Variants in CNTN5 observed in about 807,000 individuals in gnomAD.
The protein encoded by CNTN5 is contactin-5.
A neutral mutation model predicts 129.1 loss-of-function variants in CNTN5; 77 were observed. The ratio of observed to expected loss-of-function variants is 0.60; its 90% CI spans 0.50 to 0.72. The LOEUF (loss-of-function observed/expected upper bound fraction) is 0.72. Among genes scored for constraint, CNTN5 ranks in the 30% least tolerant of loss-of-function variants. The pLI, the probability that CNTN5 is intolerant of heterozygous loss-of-function variation, is 0.00. For synonymous variants in CNTN5, 509 were observed against 465.6 expected (o/e 1.09, Z -1.20); for missense variants, 1,478 against 1,328.8 (o/e 1.11, Z -1.75).
chr11:99,111,806 G>A (rs1290956579), intron 1 of CNTN5, among the ~76,000 whole-genome samples: 1 of 151,982 alleles, frequency 6.6e-6, no homozygotes, highest in East Asian at 1.9e-4. Flanking sequence ...TTTAAAAAAT[G>A]TGTGAATTCT....
intron 3 of CNTN5, among the ~76,000 whole-genome samples, chr11:99,599,730 C>T (rs1565337264): frequency 1.3e-5 from 2 of 152,084 alleles, no homozygotes. Context: ...GCATCAATGA[C>T]ATAATAAGAA....
At chr11:99,024,277 A>C (rs1375189125) in intron 1 of CNTN5, among the ~76,000 whole-genome samples, 1 of 152,142 alleles carries the variant, frequency 6.6e-6, no homozygotes, top group African/African-American at 2.4e-5. Flanking sequence ...AATAAACTGA[A>C]TATTATTAGT....
chr11:99,837,942 G>A (rs1565588581), intron 4 of CNTN5, among the ~76,000 whole-genome samples: 1 of 151,862 alleles, frequency 6.6e-6, no homozygotes, highest in Admixed American at 6.6e-5. Flanking sequence ...GGGACTTAGG[G>A]TATCCTTAGT....
intron 1 of CNTN5, among the ~76,000 whole-genome samples, chr11:99,219,618 T>C (rs998980074): frequency 2.6e-5 from 4 of 151,542 alleles, no homozygotes; most frequent in Non-Finnish European, 5.9e-5. Flanking sequence ...CTTTCAGCAC[T>C]TGTAGACCAT....
intron 13 of CNTN5, among the ~76,000 whole-genome samples, chr11:100,111,931 A>G (rs1308211219): frequency 5.3e-5 from 8 of 152,274 alleles, no homozygotes; most frequent in Admixed American, 5.2e-4. Context: ...TTCTTAACAT[A>G]TCTCTTTTTC....
chr11:99,543,305 T>G (rs1272630217), intron 2 of CNTN5, among the ~76,000 whole-genome samples: 2 of 152,184 alleles, frequency 1.3e-5, no homozygotes, highest in South Asian at 2.1e-4. Context: ...ATACAGCATC[T>G]TATATTTGGG....
intron 3 of CNTN5, among the ~76,000 whole-genome samples, chr11:99,797,234 G>T (rs1945972862): frequency 6.6e-6 from 1 of 152,110 alleles, no homozygotes; most frequent in African/African-American, 2.4e-5. Context: ...CGTAATTTTT[G>T]TAAAATGATC....
chr11:99,615,064 CATAA>C (rs1565350399), intron 3 of CNTN5, among the ~76,000 whole-genome samples: 1 of 143,706 alleles, frequency 7.0e-6, no homozygotes, highest in Non-Finnish European at 1.5e-5. Flanking sequence ...TGGTATATAT[CATAA>C]ATATATAAAA....
At chr11:100,276,397 G>A (rs962023037) in intron 18 of CNTN5, among the ~76,000 whole-genome samples, 6 of 151,932 alleles carry the variant, frequency 3.9e-5, no homozygotes, top group African/African-American at 9.7e-5. Flanking sequence ...AAATCAGCCA[G>A]GCATGGTGGC....
chr11:99,458,263 A>G (rs1368574400), intron 2 of CNTN5, among the ~76,000 whole-genome samples: 1 of 151,896 alleles, frequency 6.6e-6, no homozygotes, highest in Non-Finnish European at 1.5e-5. Context: ...TACACAAATA[A>G]GTAAGTGAAC....
chr11:99,408,456 A>AAG (rs780679984), intron 2 of CNTN5, among the ~76,000 whole-genome samples: 140 of 124,118 alleles, frequency 1.1e-3, no homozygotes, highest in African/African-American at 3.4e-3. Context: ...AAGAGAAAGA[A>AAG]AGAAAGAAAG....
chr11:99,531,488 A>G (rs1301305170), intron 2 of CNTN5, among the ~76,000 whole-genome samples: 5 of 152,216 alleles, frequency 3.3e-5, no homozygotes, highest in African/African-American at 9.6e-5. Flanking sequence ...ATAAGTAGCA[A>G]GGAGCCTAAT....
chr11:99,995,134 C>A (rs1187356561), intron 8 of CNTN5, among the ~76,000 whole-genome samples: 4 of 152,050 alleles, frequency 2.6e-5, no homozygotes, highest in Admixed American at 2.6e-4. Flanking sequence ...GGGAGTTAGC[C>A]TTTTAGAGTA....
chr11:99,056,989 A>T (rs10790433), intron 1 of CNTN5, among the ~76,000 whole-genome samples: 54,091 of 151,702 alleles, frequency 0.36, 11,594 homozygotes, highest in African/African-American at 0.58. Flanking sequence ...TTCTCAACTC[A>T]CCTGGAATAC....
intron 21 of CNTN5, among the ~76,000 whole-genome samples, chr11:100,316,894 GCTT>G (rs1485780648): frequency 6.6e-6 from 1 of 152,088 alleles, no homozygotes; most frequent in Non-Finnish European, 1.5e-5. Flanking sequence ...ACATTTTAGT[GCTT>G]ATTATCAAGA....
chr11:100,034,024 T>TTTTAGAGA (rs1941856389), intron 9 of CNTN5, among the ~76,000 whole-genome samples: 1 of 152,198 alleles, frequency 6.6e-6, no homozygotes, highest in Non-Finnish European at 1.5e-5. Flanking sequence ...GTATCTTACT[T>TTTTAGAGA]CCTGCTTTTT....
At chr11:100,093,674 C>A (rs965119279) in intron 13 of CNTN5, among the ~76,000 whole-genome samples, 2 of 152,060 alleles carry the variant, frequency 1.3e-5, no homozygotes, top group Admixed American at 6.6e-5. Flanking sequence ...GTCTGTACAA[C>A]CTGACTTGAG....
At chr11:100,134,838 T>C (rs1946475102) in intron 13 of CNTN5, among the ~76,000 whole-genome samples, 1 of 152,156 alleles carries the variant, frequency 6.6e-6, no homozygotes, top group Non-Finnish European at 1.5e-5. Context: ...TTGCCCTGTC[T>C]CTGTATTTCA....
rs183807603 is a variant in CNTN5 at position 100,041,609 on chromosome 11, C to T, written c.981-19603C>T. On this transcript the variant is annotated intron_variant, in intron 9 of 24. Transcript: ENST00000524871. ...TTTCTCTGGTTTGGAAGATAAGAAA[C>T]ACCTAGGCAAAAATGATATGTGAGA... 2.6e-5 allele frequency among the ~76,000 whole-genome samples: 4 copies of T among 152,148 alleles called. No homozygotes were observed. The East Asian group carries it at 7.7e-4, about 29-fold the overall frequency.
Sources: gnomAD v4.1 joint callset for allele counts (sites outside exome capture counted in the v4.1 genomes callset) on GRCh38, gnomAD v4.1.1 for gene constraint, MANE v1.5 for transcripts, NCBI Gene and HGNC (gene_info 2026-07-23, HGNC 2026-07-21) for gene names.